The following MAOB variants were observed in gnomAD, a reference collection of about 807,000 sequenced individuals.
The protein encoded by MAOB is monoamine oxidase B, also known as amine oxidase [flavin-containing] B.
Under a neutral mutation model 41.9 loss-of-function variants are expected in MAOB, and 15 were observed. That is an observed-to-expected ratio of 0.36 (90% CI 0.24 to 0.55). The LOEUF is 0.55. MAOB is among the 20% of genes least tolerant of loss of function. The pLI is 0.86. For synonymous variants in MAOB, 167 were observed against 144.2 expected (o/e 1.16, Z -1.13); for missense variants, 345 against 398.7 (o/e 0.87, Z 1.15).
rs186066692 is a variant in MAOB, at chrX:43,861,872, T to A, written c.47-18108A>T. On this transcript the variant is annotated intron_variant, in intron 1 of 14. Transcript: ENST00000378069. ...CAGCTGAAACGTGTGTGTGTGTGTG[T>A]GTGTGTGTGTGTGTCTATTTTTAAG... 5.3e-3 allele frequency among the ~76,000 whole-genome samples: 592 copies of A among 110,756 alleles called. 3 individuals are homozygous for A. The highest frequency in any genetic ancestry group is 0.019 in the African/African-American group (563 of 30,401).
At chrX:43,837,494 G>C (rs780644426) in intron 3 of MAOB, among the ~76,000 whole-genome samples, 4 of 111,916 alleles carry the variant, frequency 3.6e-5, no homozygotes, top group Non-Finnish European at 7.5e-5. Context: ...CACTGTGCCC[G>C]GCCAATATAA....
At chrX:43,807,856 T>C (rs1204528652) in intron 3 of MAOB, among the ~76,000 whole-genome samples, 1 of 112,172 alleles carries the variant, frequency 8.9e-6, no homozygotes, top group Non-Finnish European at 1.9e-5. Context: ...CTCAGCTGTG[T>C]GACCTTGAAC....
intron 10 of MAOB, among the ~76,000 whole-genome samples, chrX:43,779,741 A>G (rs986298610): frequency 3.6e-5 from 4 of 111,490 alleles, no homozygotes; most frequent in Non-Finnish European, 7.5e-5. Context: ...TTGGTCATTG[A>G]GGAGAACCCT....
At chrX:43,835,183 A>C (rs1418857050) in intron 3 of MAOB, among the ~76,000 whole-genome samples, 1 of 112,621 alleles carries the variant, frequency 8.9e-6, no homozygotes, top group East Asian at 2.8e-4. Flanking sequence ...ATAAGTCAAA[A>C]TATAGCAGGA....
chrX:43,836,088 G>T (rs773563572), intron 3 of MAOB, among the ~76,000 whole-genome samples: 53 of 111,718 alleles, frequency 4.7e-4, no homozygotes, highest in Non-Finnish European at 7.7e-4. Flanking sequence ...TACATGAACT[G>T]TAGTTTGCCC....
intron 3 of MAOB, among the ~76,000 whole-genome samples, chrX:43,827,490 T>A (rs1330897710): frequency 1.8e-5 from 2 of 111,714 alleles, no homozygotes; most frequent in Non-Finnish European, 3.8e-5. Context: ...GTATTTGGAC[T>A]TCTTACATGG....
chrX:43,778,418 AG>A (rs1321233406), intron 11 of MAOB, among the ~76,000 whole-genome samples: 1 of 111,098 alleles, frequency 9.0e-6, no homozygotes, highest in Non-Finnish European at 1.9e-5. Flanking sequence ...GCCCTCTCCC[AG>A]GAAGAAACTC....
chrX:43,769,308 T>C lies in MAOB; in HGVS notation c.1346A>G (p.Glu449Gly). The C allele has an allele frequency of 8.3e-7, 1 of 1,203,958 alleles. No homozygotes were observed. The highest frequency in any genetic ancestry group is 1.1e-6 in the Non-Finnish European group (1 of 892,449). The change falls in exon 13 of 15, where the codon GAG becomes GGG. Residue 449 changes from glutamate to glycine, a missense_variant and splice_region_variant. Transcript: ENST00000378069. ...AVEAGERAAR[E>G]ILHAMGKIPE... The stretch of plus-strand genomic sequence containing the variant: ...ATAATCTATGACCCCAGACCCTACC[T>C]CTCGGGCTGCTCTCTCCCCGGCCTC...
chrX:43,782,855 G>A (rs1312898048), intron 8 of MAOB, among the ~76,000 whole-genome samples: 3 of 111,725 alleles, frequency 2.7e-5, no homozygotes, highest in Non-Finnish European at 5.6e-5. Flanking sequence ...ATCAATAAAC[G>A]TAATCCGTCA....
chrX:43,850,184 T>G (rs1261927297), intron 1 of MAOB: 1 of 167,843 alleles, frequency 6.0e-6, no homozygotes, highest in Admixed American at 9.4e-5. Flanking sequence ...TCTGTTTCTT[T>G]GTCTTAATGG....
intron 1 of MAOB, among the ~76,000 whole-genome samples, chrX:43,863,273 T>A (rs1189317548): frequency 8.9e-6 from 1 of 111,926 alleles, no homozygotes; most frequent in Admixed American, 9.5e-5. Context: ...ATACATAACG[T>A]CCAATAGTCT....
At chrX:43,778,253 C>T (rs1601966095) in intron 11 of MAOB, among the ~76,000 whole-genome samples, 1 of 110,540 alleles carries the variant, frequency 9.0e-6, no homozygotes, top group Non-Finnish European at 1.9e-5. Flanking sequence ...GTTTATGTAC[C>T]TGAGTGAGAC....
chrX:43,878,587 A>G (rs951259949), intron 1 of MAOB, among the ~76,000 whole-genome samples: 8 of 111,406 alleles, frequency 7.2e-5, no homozygotes, highest in Non-Finnish European at 1.5e-4. Context: ...CTTGACTAGG[A>G]TATACAAATT....
At position 43,778,663 on chromosome X, in the gene MAOB, G is replaced by A. The variant is rs773025656; in HGVS notation, c.1137+19C>T. ...GAAAGGCCTCTCACCCTTAGTATAG[G>A]GTTGGGAAGCAGCCTTACCTCCAGA... On this transcript the variant is annotated intron_variant, in intron 11 of 14. Coordinates refer to ENST00000378069, the MANE Select transcript of MAOB (RefSeq NM_000898.5). 3 of 1,194,078 alleles carry A rather than the reference G, an allele frequency of 2.5e-6. No homozygotes were observed. In the East Asian group the frequency reaches 8.9e-5, roughly 35 times the overall value.
chrX:43,881,715 C>G (rs1458820961), intron 1 of MAOB, among the ~76,000 whole-genome samples: 1 of 111,939 alleles, frequency 8.9e-6, no homozygotes, highest in Non-Finnish European at 1.9e-5. Flanking sequence ...GCCAAAAAGA[C>G]ACTGCAGCCT....
chrX:43,795,338 G>T (rs1341841795), intron 7 of MAOB, among the ~76,000 whole-genome samples: 1 of 112,235 alleles, frequency 8.9e-6, no homozygotes, highest in Non-Finnish European at 1.9e-5. Context: ...TGTGAGAAAG[G>T]GCATGGAGCT....
At chrX:43,811,435 C>T (rs1423577627) in intron 3 of MAOB, among the ~76,000 whole-genome samples, 1 of 111,359 alleles carries the variant, frequency 9.0e-6, no homozygotes, top group Non-Finnish European at 1.9e-5. Context: ...TGTTGGGAGC[C>T]AGGGTAAGCC....
chrX:43,868,492 A>G (rs190009537), intron 1 of MAOB, among the ~76,000 whole-genome samples: 1 of 111,959 alleles, frequency 8.9e-6, no homozygotes, highest in Non-Finnish European at 1.9e-5. Flanking sequence ...GGAGAGAAGC[A>G]GGACACGGGT....
At chrX:43,802,853 G>A (rs1230280700) in intron 4 of MAOB, among the ~76,000 whole-genome samples, 1 of 110,957 alleles carries the variant, frequency 9.0e-6, no homozygotes, top group Non-Finnish European at 1.9e-5. Context: ...CCTAGACGAT[G>A]GGTTGATAGA....
Sources: allele counts gnomAD v4.1 joint callset (sites outside exome capture counted in the v4.1 genomes callset), GRCh38; gene constraint gnomAD v4.1.1; transcripts MANE v1.5; gene names NCBI Gene and HGNC (gene_info 2026-07-23, HGNC 2026-07-21).